GTF2I: variants seen among roughly 807,000 people sequenced by gnomAD.
GTF2I encodes general transcription factor IIi.
In GTF2I, 12 loss-of-function variants were observed where a neutral mutation model predicts 67.6. The observed-to-expected ratio is 0.18, with a 90% CI of 0.11 to 0.29. GTF2I has a LOEUF of 0.29. Ranked by LOEUF, GTF2I falls within the 10% of genes least tolerant of loss-of-function variation. The probability of loss-of-function intolerance (pLI) is 1.00; values close to 1 mark genes in which losing one functional copy is unlikely to be tolerated. For synonymous variants in GTF2I, 149 were observed against 197.0 expected (o/e 0.76, Z 2.04); for missense variants, 271 against 580.1 (o/e 0.47, Z 5.47).
intron 12 of GTF2I, among the ~76,000 whole-genome samples, chr7:74,724,850 A>G (rs180833741): frequency 1.3e-3 from 201 of 152,218 alleles, no homozygotes; most frequent in Admixed American, 2.6e-3. Flanking sequence ...GAACCCAGGA[A>G]GTGGAGATTG....
At chr7:74,665,392 T>C (rs1306425499) in intron 1 of GTF2I, among the ~76,000 whole-genome samples, 2 of 151,704 alleles carry the variant, frequency 1.3e-5, no homozygotes, top group African/African-American at 2.4e-5. Context: ...GCTGGAATTA[T>C]AGGCATGCGC....
At chr7:74,667,136 CTA>C (rs1805051433) in intron 1 of GTF2I, among the ~76,000 whole-genome samples, 1 of 152,078 alleles carries the variant, frequency 6.6e-6, no homozygotes, top group Admixed American at 6.6e-5. Context: ...TAGAACAAGA[CTA>C]TGTCTCAAGG....
chr7:74,660,621 C>CTTTTT (rs35605839), intron 1 of GTF2I, among the ~76,000 whole-genome samples: 10 of 124,532 alleles, frequency 8.0e-5, no homozygotes, highest in Admixed American at 1.9e-4. Flanking sequence ...CTTTTCTTTT[C>CTTTTT]TTTTTTTTTT....
intron 7 of GTF2I, among the ~76,000 whole-genome samples, chr7:74,706,046 G>A (rs1790631764): frequency 6.6e-6 from 1 of 151,066 alleles, no homozygotes; most frequent in African/African-American, 2.4e-5. Context: ...TCCACCTCCC[G>A]GATTCAAGTG....
intron 29 of GTF2I, among the ~76,000 whole-genome samples, chr7:74,753,383 G>A (rs1795948181): frequency 6.6e-6 from 1 of 152,166 alleles, no homozygotes; most frequent in African/African-American, 2.4e-5. Context: ...ATGAATTTAA[G>A]GTTCACCATC....
chr7:74,723,592 A>G (rs1030745169), intron 12 of GTF2I, among the ~76,000 whole-genome samples: 1 of 151,058 alleles, frequency 6.6e-6, no homozygotes, highest in South Asian at 2.1e-4. Context: ...CACCATGTCC[A>G]GCCAATATTT....
chr7:74,685,788 C>G lies in GTF2I; in HGVS notation c.-5-3336C>G, dbSNP rs903650266. ...TCTTAAAAAAAGAAAAAAAAAAGTC[C>G]GGGGGCGATGGCTCACGCCGGTAAT... is the stretch of plus-strand genomic sequence containing the variant. On this transcript the variant is annotated intron_variant, in intron 1 of 34. Transcript: ENST00000573035. Among the ~76,000 whole-genome samples the G allele has an allele frequency of 7.3e-5, 11 of 151,714 alleles. No homozygotes were observed. The East Asian group carries it at 2.1e-3, about 29-fold the overall frequency.
chr7:74,716,897 G>A lies in GTF2I; in HGVS notation c.827G>A (p.Ser276Asn). The A allele has an allele frequency of 6.2e-7, 1 of 1,601,680 alleles. No individual in the cohort carries two copies. The highest frequency in any genetic ancestry group is 1.1e-5 in the South Asian group (1 of 90,692). ...KQPLSKPLQG[S>N]HHSSEGNEGT... Reference sequence around the variant, plus strand: ...ATGTTGTTTATTTTCTTTTTAGGAAGCCACCATTCTTCAGAGGGCAATGAA... The same window carrying A: ...ATGTTGTTTATTTTCTTTTTAGGAAACCACCATTCTTCAGAGGGCAATGAA... The change falls in exon 11 of 35, where the codon AGC (serine) becomes AAC (asparagine). Residue 276 changes from serine to asparagine, a missense_variant. Ser to Asn is a conservative substitution (Grantham distance 46). This residue lies in a region of GTF2I where 124 missense variants were observed against 147.0 expected (regional missense o/e 0.84). Coordinates refer to ENST00000573035, the MANE Select transcript of GTF2I (RefSeq NM_032999.4).
At chr7:74,709,329 A>G (rs1584234033) in intron 8 of GTF2I, among the ~76,000 whole-genome samples, 1 of 151,762 alleles carries the variant, frequency 6.6e-6, no homozygotes, top group Non-Finnish European at 1.5e-5. Flanking sequence ...GCTCACCACA[A>G]CCTCCGTGTC....
At chr7:74,671,327 T>C (rs1805433349) in intron 1 of GTF2I, among the ~76,000 whole-genome samples, 2 of 152,030 alleles carry the variant, frequency 1.3e-5, no homozygotes, top group South Asian at 4.1e-4. Context: ...CCTCAGGTGA[T>C]TTGCCCACCC....
At chr7:74,700,025 A>G (rs1215024839) in intron 4 of GTF2I, 5 of 484,974 alleles carry the variant, frequency 1.0e-5, no homozygotes, top group African/African-American at 9.6e-5. Context: ...TGTTTTTTAA[A>G]GTAAAATATT....
At chr7:74,665,894 C>T (rs1426127271) in intron 1 of GTF2I, among the ~76,000 whole-genome samples, 2 of 152,266 alleles carry the variant, frequency 1.3e-5, no homozygotes, top group East Asian at 1.9e-4. Context: ...AGTGCAGTGG[C>T]GGGATCCCAG....
intron 1 of GTF2I, among the ~76,000 whole-genome samples, chr7:74,683,607 C>A (rs1251469093): frequency 6.6e-6 from 1 of 152,182 alleles, no homozygotes; most frequent in African/African-American, 2.4e-5. Flanking sequence ...AATCTCAGCA[C>A]TTTGGGAGGC....
chr7:74,681,352 T>A (rs2527374), intron 1 of GTF2I, among the ~76,000 whole-genome samples: 90,284 of 151,920 alleles, frequency 0.59, 29,077 homozygotes, highest in East Asian at 0.9. Flanking sequence ...GGAGAATTGC[T>A]TGAACCTGGG....
At chr7:74,694,389 C>T (rs1788679093) in intron 3 of GTF2I, among the ~76,000 whole-genome samples, 1 of 152,176 alleles carries the variant, frequency 6.6e-6, no homozygotes, top group African/African-American at 2.4e-5. Context: ...GAGTTCAAGA[C>T]CACCCTAGGC....
chr7:74,700,980 A>G (rs1224404009), intron 6 of GTF2I, among the ~76,000 whole-genome samples: 1 of 152,236 alleles, frequency 6.6e-6, no homozygotes, highest in East Asian at 1.9e-4. Flanking sequence ...GTGTATCAGC[A>G]TTACCACTTT....
intron 11 of GTF2I, 110 bp downstream of exon 11, chr7:74,717,060 C>T (rs1473237731): frequency 1.4e-6 from 2 of 1,423,220 alleles, no homozygotes; most frequent in African/African-American, 1.4e-5. Flanking sequence ...AGGTGATTCC[C>T]TTGGTATGCC....
At chr7:74,709,811 T>G (rs1791292929) in intron 8 of GTF2I, among the ~76,000 whole-genome samples, 1 of 151,836 alleles carries the variant, frequency 6.6e-6, no homozygotes, top group African/African-American at 2.4e-5. Context: ...TAGCTGGGAC[T>G]ACAGGTGCGT....
At chr7:74,721,043 T>G (rs1433564097) in intron 12 of GTF2I, among the ~76,000 whole-genome samples, 3 of 152,072 alleles carry the variant, frequency 2.0e-5, no homozygotes, top group African/African-American at 7.2e-5. Context: ...GTTTATTTAT[T>G]TATTTATTTG....
Sources: allele counts gnomAD v4.1 joint callset (sites outside exome capture counted in the v4.1 genomes callset), GRCh38; gene constraint gnomAD v4.1.1; regional missense constraint gnomAD v4.1.1; transcripts MANE v1.5; gene names NCBI Gene and HGNC (gene_info 2026-07-23, HGNC 2026-07-21).